Variants in FSIP1 observed in about 807,000 individuals in gnomAD.
FSIP1 encodes the protein fibrous sheath-interacting protein 1.
In FSIP1, 65 loss-of-function variants were observed where a neutral mutation model predicts 60.9. That is an observed-to-expected ratio of 1.07 (90% CI 0.87 to 1.31). The LOEUF is 1.31. FSIP1 is among the 40% of genes most tolerant of loss of function. The probability of loss-of-function intolerance (pLI) is 0.00; values close to 1 mark genes in which losing one functional copy is unlikely to be tolerated. For synonymous variants in FSIP1, 209 were observed against 221.2 expected, an observed-to-expected ratio of 0.94 and a Z score of 0.49; for missense variants, 675 against 665.5, an observed-to-expected ratio of 1.01 and a Z score of -0.16.
chr15:39,739,538 C>CAA, intron 7 of FSIP1, 127 bp downstream of exon 7: 1 of 841,368 alleles, frequency 1.2e-6, no homozygotes, highest in South Asian at 1.7e-5. Context: ...TTCATTATAT[C>CAA]TACTAATTCA....
chr15:39,676,172 C>CAAAAAAA (rs11369072), intron 10 of FSIP1, among the ~76,000 whole-genome samples: 4 of 112,852 alleles, frequency 3.5e-5, no homozygotes, highest in Non-Finnish European at 5.3e-5. Context: ...GACTCCATCT[C>CAAAAAAA]AAAAAAAAAA....
At chr15:39,612,872 CAA>C (rs1891084326) in intron 11 of FSIP1, among the ~76,000 whole-genome samples, 1 of 151,866 alleles carries the variant, frequency 6.6e-6, no homozygotes, top group Admixed American at 6.6e-5. Flanking sequence ...TTAGCTTATA[CAA>C]AAAGTCTTAA....
chr15:39,780,165 C>A (rs1256982247), intron 1 of FSIP1, among the ~76,000 whole-genome samples: 1 of 152,208 alleles, frequency 6.6e-6, no homozygotes, highest in Non-Finnish European at 1.5e-5. Context: ...TACCCATCGA[C>A]TCCTCCCCAA....
At chr15:39,759,409 C>G (rs1032702970) in intron 5 of FSIP1, among the ~76,000 whole-genome samples, 9 of 152,076 alleles carry the variant, frequency 5.9e-5, no homozygotes, top group African/African-American at 2.2e-4. Context: ...TTTAAATAAA[C>G]AAAGCTTAAA....
rs140422788 is a variant in FSIP1 at position 39,600,609 on chromosome 15, T to C, written c.*271A>G. 722 of 340,848 alleles carry C rather than the reference T, an allele frequency of 2.1e-3. 2 individuals are homozygous for C. Among genetic ancestry groups the C allele is most frequent in the Middle Eastern group, 6.7e-3 (8 of 1,194 alleles). The allele number at this position is 340,848 out of a possible 1,614,324, so 21.1% of individuals were successfully genotyped here. A position where few individuals can be genotyped will look rare whatever the true frequency, so the allele number is the denominator to read the frequency against. On this transcript the variant is annotated 3_prime_UTR_variant, in exon 12 of 12. Transcript: ENST00000350221. ...ACCCTAACACGTATACATTAAAATG[T>C]TGGTTTTTATAATGAATCCTAATAC...
At chr15:39,608,802 C>T (rs1384546346) in intron 11 of FSIP1, among the ~76,000 whole-genome samples, 1 of 152,182 alleles carries the variant, frequency 6.6e-6, no homozygotes, top group Non-Finnish European at 1.5e-5. Context: ...ACAAGAATAT[C>T]TTCATTAATA....
At chr15:39,736,617 C>T (rs550900508) in intron 8 of FSIP1, among the ~76,000 whole-genome samples, 39 of 152,310 alleles carry the variant, frequency 2.6e-4, no homozygotes, top group South Asian at 1.5e-3. Flanking sequence ...CCTCCTCCCC[C>T]GTGGGCCACA....
intron 3 of FSIP1, among the ~76,000 whole-genome samples, chr15:39,766,980 G>T (rs1166717): frequency 0.42 from 64,396 of 151,862 alleles, 13,853 homozygotes; most frequent in African/African-American, 0.48. Context: ...CCAGAGCCAG[G>T]ACTACAGGTG....
chr15:39,674,066 T>G (rs532038039), intron 10 of FSIP1, among the ~76,000 whole-genome samples: 1 of 151,860 alleles, frequency 6.6e-6, no homozygotes, highest in African/African-American at 2.4e-5. Context: ...TTTTTTTTTT[T>G]TTTTCTGAGA....
intron 8 of FSIP1, among the ~76,000 whole-genome samples, chr15:39,737,327 A>G (rs1011041058): frequency 4.6e-5 from 7 of 152,080 alleles, no homozygotes; most frequent in African/African-American, 1.7e-4. Context: ...ACTTATCACC[A>G]TAAGCAGGCC....
chr15:39,681,076 T>C (rs1894141232), intron 10 of FSIP1, among the ~76,000 whole-genome samples: 1 of 152,084 alleles, frequency 6.6e-6, no homozygotes, highest in Non-Finnish European at 1.5e-5. Context: ...TCCAAGAACG[T>C]TGAGTTTTAT....
intron 9 of FSIP1, among the ~76,000 whole-genome samples, chr15:39,722,238 T>A (rs1399702059): frequency 1.3e-5 from 2 of 151,660 alleles, no homozygotes; most frequent in African/African-American, 4.8e-5. Context: ...TGTCACTGTC[T>A]CCCATTACCC....
chr15:39,671,357 G>C (rs1417998009), intron 10 of FSIP1, among the ~76,000 whole-genome samples: 1 of 151,844 alleles, frequency 6.6e-6, no homozygotes, highest in Non-Finnish European at 1.5e-5. Flanking sequence ...TTAAATACTT[G>C]ATAAAAGGAG....
chr15:39,617,181 C>T (rs563041069), intron 11 of FSIP1, among the ~76,000 whole-genome samples: 1 of 152,222 alleles, frequency 6.6e-6, no homozygotes, highest in Non-Finnish European at 1.5e-5. Flanking sequence ...AGATTTCTAA[C>T]ATAAATAATT....
At position 39,632,537 on chromosome 15, in the gene FSIP1, GT is replaced by G. The variant is rs369853198; in HGVS notation, c.1189-14293del. ...TGGCCAGGCATGGTGGCTCAAGCCT[GT>G]GATCCCAGCACTTTGGGAGGCCGAG... On this transcript the variant is annotated intron_variant, in intron 10 of 11. Coordinates refer to ENST00000350221, the MANE Select transcript of FSIP1 (RefSeq NM_152597.5). Among the ~76,000 whole-genome samples the G allele has an allele frequency of 3.6e-3, 546 of 152,270 alleles. 3 individuals are homozygous for G. Among genetic ancestry groups the G allele is most frequent in the African/African-American group, 0.013 (522 of 41,556 alleles).
Position 39,770,626 on chromosome 15 carries a change from A to T in FSIP1, c.127-16T>A. Reference sequence around the variant, plus strand: ...CAGTATCGACCTAAAAATAATTTCAAAAAAAAAACAGTTTCCGAAAATACT... The same window carrying T: ...CAGTATCGACCTAAAAATAATTTCATAAAAAAAACAGTTTCCGAAAATACT... On this transcript the variant is annotated splice_polypyrimidine_tract_variant and intron_variant, in intron 2 of 11. Coordinates refer to ENST00000350221, the MANE Select transcript of FSIP1 (RefSeq NM_152597.5). The T allele has an allele frequency of 7.0e-7, 1 of 1,431,872 alleles. No individual in the cohort carries two copies. Among genetic ancestry groups the T allele is most frequent in the Non-Finnish European group, 9.2e-7 (1 of 1,082,836 alleles). The allele number at this position is 1,431,872 out of a possible 1,614,324, so 88.7% of individuals were successfully genotyped here.
intron 9 of FSIP1, among the ~76,000 whole-genome samples, chr15:39,716,810 G>GTTTT: frequency 1.9e-5 from 1 of 51,288 alleles, no homozygotes; most frequent in Non-Finnish European, 4.2e-5. Flanking sequence ...AACAGGCCAT[G>GTTTT]TCTTTTTTTT....
At position 39,713,578 on chromosome 15, in the gene FSIP1, G is replaced by T; in HGVS notation, c.1054C>A (p.Pro352Thr). Residue 352 changes from proline to threonine, a missense_variant, in exon 10 of 12, where the codon CCT (proline) becomes ACT (threonine). Physicochemically the swap from Pro to Thr is conservative, Grantham distance 38 (BLOSUM62 -1). Coordinates refer to ENST00000350221, the MANE Select transcript of FSIP1 (RefSeq NM_152597.5). ...ATATTTCTTTCACCATCACGGTCAG[G>T]TTTCTAATTTAAAGAAAAAAAAAAA... ...PRLENRNNQKPDRDGERNMEV... is the reference protein window; with the variant it reads ...PRLENRNNQKTDRDGERNMEV... 2 of 1,575,642 alleles carry T rather than the reference G, an allele frequency of 1.3e-6. No homozygotes were observed. Among genetic ancestry groups the T allele is most frequent in the South Asian group, 1.2e-5 (1 of 84,480 alleles).
chr15:39,706,322 C>T (rs1355625724), intron 10 of FSIP1, among the ~76,000 whole-genome samples: 1 of 152,132 alleles, frequency 6.6e-6, no homozygotes, highest in Admixed American at 6.5e-5. Context: ...CAATAATGTC[C>T]AAATATCGCT....
Sources: gnomAD v4.1 joint callset for allele counts (sites outside exome capture counted in the v4.1 genomes callset) on GRCh38, gnomAD v4.1.1 for gene constraint, MANE v1.5 for transcripts, NCBI Gene and HGNC (gene_info 2026-07-23, HGNC 2026-07-21) for gene names.